ALDH8A1: variants seen among roughly 807,000 people sequenced by gnomAD.
ALDH8A1 encodes the protein aldehyde dehydrogenase 8 family member A1.
ALDH8A1 carries 39 observed loss-of-function variants against 43.3 expected under a neutral mutation model. That is an observed-to-expected ratio of 0.90 (90% CI 0.70 to 1.18). The LOEUF (loss-of-function observed/expected upper bound fraction) is 1.18. Among genes scored for constraint, ALDH8A1 ranks in the 50% most tolerant of loss-of-function variants. The pLI is 0.00. For synonymous variants in ALDH8A1, 233 were observed against 243.5 expected (o/e 0.96, Z 0.40); for missense variants, 605 against 622.6 (o/e 0.97, Z 0.30).
At chr6:134,944,511 A>G (rs9389245) in intron 1 of ALDH8A1, among the ~76,000 whole-genome samples, 22,915 of 152,222 alleles carry the variant, frequency 0.15, 2,603 homozygotes, top group African/African-American at 0.29. Context: ...TCCTGAATGT[A>G]GTAATCAGAT....
intron 5 of ALDH8A1, 121 bp downstream of exon 5, chr6:134,932,655 T>C (rs1777003833): frequency 8.0e-6 from 11 of 1,379,398 alleles, no homozygotes; most frequent in Non-Finnish European, 9.9e-6. Flanking sequence ...AATGTACTGA[T>C]CCTGCTTTCT....
At chr6:134,945,278 G>C (rs749543336) in intron 1 of ALDH8A1, among the ~76,000 whole-genome samples, 5 of 152,102 alleles carry the variant, frequency 3.3e-5, no homozygotes, top group Admixed American at 6.5e-5. Context: ...CTAATAAGTG[G>C]CAGAATCAGG....
intron 1 of ALDH8A1, among the ~76,000 whole-genome samples, chr6:134,947,890 C>T (rs1478691524): frequency 6.6e-6 from 1 of 151,778 alleles, no homozygotes; most frequent in East Asian, 1.9e-4. Flanking sequence ...TCCAGCAATC[C>T]CACTACTGGA....
chr6:134,925,650 A>C (rs1035524709), intron 6 of ALDH8A1, among the ~76,000 whole-genome samples: 6 of 152,366 alleles, frequency 3.9e-5, no homozygotes, highest in African/African-American at 1.4e-4. Context: ...AAGATACAGC[A>C]ATGAATAAAA....
At position 134,917,399 on chromosome 6, in the gene ALDH8A1, C is replaced by T. The variant is rs1349516537; in HGVS notation, c.*1016G>A. The T allele has an allele frequency of 6.6e-6, 1 of 151,978 alleles. No homozygotes were observed. The highest frequency in any genetic ancestry group is 1.5e-5 in the Non-Finnish European group (1 of 68,010). 9.4% of individuals were successfully genotyped at this position (151,978 alleles called of 1,614,324 possible). ...AATAAGATACATGCCATACTGGTTA[C>T]TAAAATTGCTTAACATTTATTGCTT... On this transcript the variant is annotated 3_prime_UTR_variant, in exon 7 of 7. Transcript: ENST00000265605.
At position 134,917,516 on chromosome 6, in the gene ALDH8A1, G is replaced by C. The variant is rs1357295608; in HGVS notation, c.*899C>G. 6.6e-6 allele frequency: 1 copy of C among 152,148 alleles called. No individual in the cohort carries two copies. The highest frequency in any genetic ancestry group is 1.5e-5 in the Non-Finnish European group (1 of 68,028). The allele number at this position is 152,148 out of a possible 1,614,324, so 9.4% of individuals were successfully genotyped here. On this transcript the variant is annotated 3_prime_UTR_variant, in exon 7 of 7. Coordinates refer to ENST00000265605, the MANE Select transcript of ALDH8A1 (RefSeq NM_022568.4). ...CGACCGTAGGAATGGATCAAACTAT[G>C]TACTCTTCTTGTTCCAAGTTTCCTC...
intron 6 of ALDH8A1, among the ~76,000 whole-genome samples, chr6:134,925,235 G>A (rs1272535133): frequency 1.3e-5 from 2 of 152,144 alleles, no homozygotes; most frequent in Non-Finnish European, 2.9e-5. Context: ...ACCAATACTT[G>A]TACCAATGAT....
At position 134,918,290 on chromosome 6, in the gene ALDH8A1, C is replaced by A; in HGVS notation, c.*125G>T. On this transcript the variant is annotated 3_prime_UTR_variant, in exon 7 of 7. Transcript: ENST00000265605. ...AAAGTTACTAAGAACTGAGGATAAG[C>A]TAGAGATAACCTTCTGCCAAGTCAA... The A allele has an allele frequency of 1.2e-6, 1 of 869,434 alleles. No individual in the cohort carries two copies. The highest frequency in any genetic ancestry group is 1.8e-6 in the Non-Finnish European group (1 of 565,160). The allele number at this position is 869,434 out of a possible 1,614,324, so 53.9% of individuals were successfully genotyped here.
intron 3 of ALDH8A1, among the ~76,000 whole-genome samples, chr6:134,940,408 T>C (rs757796028): frequency 2.0e-5 from 3 of 152,176 alleles, no homozygotes; most frequent in Non-Finnish European, 2.9e-5. Flanking sequence ...AAATCTGTCA[T>C]GGGTTGAGAC....
At chr6:134,943,255 A>G (rs918432822) in intron 2 of ALDH8A1, among the ~76,000 whole-genome samples, 1 of 152,236 alleles carries the variant, frequency 6.6e-6, no homozygotes, top group African/African-American at 2.4e-5. Context: ...TTTATGGCAC[A>G]CATGTAATTT....
At chr6:134,923,073 T>A (rs1362697991) in intron 6 of ALDH8A1, among the ~76,000 whole-genome samples, 1 of 152,210 alleles carries the variant, frequency 6.6e-6, no homozygotes, top group Non-Finnish European at 1.5e-5. Context: ...TCGCCCAGGC[T>A]GGAATTCAGT....
chr6:134,925,231 A>G (rs1348465488), intron 6 of ALDH8A1, among the ~76,000 whole-genome samples: 1 of 152,212 alleles, frequency 6.6e-6, no homozygotes, highest in Admixed American at 6.5e-5. Context: ...AATCACCAAT[A>G]CTTGTACCAA....
intron 3 of ALDH8A1, among the ~76,000 whole-genome samples, chr6:134,940,690 AAAAC>A (rs1291408437): frequency 5.9e-5 from 9 of 152,348 alleles, no homozygotes; most frequent in East Asian, 1.9e-4. Context: ...TTCCAATCAC[AAAAC>A]AAACAAATAT....
intron 3 of ALDH8A1, chr6:134,940,066 C>A: frequency 4.6e-6 from 1 of 219,732 alleles, no homozygotes; most frequent in Non-Finnish European, 9.5e-6. Context: ...CACAGCAGGC[C>A]CTGTCAGGGG....
chr6:134,942,629 C>T (rs948951003), intron 2 of ALDH8A1, 65 bp from the exon 3 acceptor site: 17 of 1,517,096 alleles, frequency 1.1e-5, no homozygotes, highest in Non-Finnish European at 1.8e-6. Flanking sequence ...TCAGCTTCCA[C>T]TGCCCACGCG....
chr6:134,938,790 G>A (rs539081085), intron 4 of ALDH8A1, among the ~76,000 whole-genome samples: 2 of 152,202 alleles, frequency 1.3e-5, no homozygotes, highest in South Asian at 2.1e-4. Flanking sequence ...TGGGACTACA[G>A]GCGCCCGCCA....
intron 6 of ALDH8A1, among the ~76,000 whole-genome samples, chr6:134,924,990 C>T (rs903590725): frequency 7.9e-5 from 12 of 152,108 alleles, no homozygotes; most frequent in African/African-American, 2.9e-4. Flanking sequence ...TCTTGAGAAA[C>T]ACAAGAACAG....
intron 5 of ALDH8A1, 73 bp from the exon 6 acceptor site, chr6:134,929,288 T>A: frequency 6.6e-7 from 1 of 1,522,826 alleles, no homozygotes; most frequent in Admixed American, 1.9e-5. Context: ...CACTTTTGAG[T>A]ACCTGCCATG....
chr6:134,925,905 G>A (rs1169674538), intron 6 of ALDH8A1, among the ~76,000 whole-genome samples: 1 of 152,132 alleles, frequency 6.6e-6, no homozygotes, highest in Non-Finnish European at 1.5e-5. Context: ...CAGGCAGCGT[G>A]AGCAACAAGA....
Sources: gnomAD v4.1 joint callset for allele counts (sites outside exome capture counted in the v4.1 genomes callset) on GRCh38, gnomAD v4.1.1 for gene constraint, MANE v1.5 for transcripts, NCBI Gene and HGNC (gene_info 2026-07-23, HGNC 2026-07-21) for gene names.